DTNA: variants seen among roughly 807,000 people sequenced by gnomAD.
The protein encoded by DTNA is dystrophin-related protein 3.
A neutral mutation model predicts 100.7 loss-of-function variants in DTNA; 43 were observed. That is an observed-to-expected ratio of 0.43 (90% confidence interval 0.33 to 0.55). The LOEUF is 0.55. DTNA is among the 20% of genes least tolerant of loss of function. DTNA has a pLI of 0.04. For missense variants in DTNA, 798 were observed against 953.9 expected (o/e 0.84, Z 2.15); for synonymous variants, 349 against 347.9 (o/e 1.00, Z -0.04).
At chr18:34,546,209 A>T (rs1284526034) in intron 1 of DTNA, among the ~76,000 whole-genome samples, 1 of 152,092 alleles carries the variant, frequency 6.6e-6, no homozygotes. Context: ...CCCTTCCCCC[A>T]GCAATGAGAA....
chr18:34,744,888 T>C (rs1237236400), intron 1 of DTNA, among the ~76,000 whole-genome samples: 1 of 152,122 alleles, frequency 6.6e-6, no homozygotes, highest in Non-Finnish European at 1.5e-5. Flanking sequence ...TGCATTTTGG[T>C]TCTCATTAAG....
intron 1 of DTNA, among the ~76,000 whole-genome samples, chr18:34,555,290 C>G (rs997356444): frequency 6.8e-6 from 1 of 148,122 alleles, no homozygotes; most frequent in Non-Finnish European, 1.5e-5. Context: ...GTCTTGCTAG[C>G]GGTCTATCAG....
chr18:34,597,548 TC>T (rs546296592), intron 1 of DTNA, among the ~76,000 whole-genome samples: 92 of 152,112 alleles, frequency 6.0e-4, no homozygotes, highest in Non-Finnish European at 1.2e-3. Flanking sequence ...AATTAATTGC[TC>T]CCCTACTTAA....
In DTNA at chr18:34,838,166, C is replaced by A; in HGVS notation, c.1248C>A (p.Gly416=). 6.2e-7 allele frequency: 1 copy of A among 1,613,780 alleles called. No individual in the cohort carries two copies. Among genetic ancestry groups the A allele is most frequent in the Non-Finnish European group, 8.5e-7 (1 of 1,179,778 alleles). Residue 416 remains glycine, a synonymous_variant, in exon 12 of 23, where the codon GGC becomes GGA. Coordinates refer to ENST00000444659, the MANE Select transcript of DTNA (RefSeq NM_001386795.1). ...GGGCTGCTCCAGCTTTTCTGAAGGG[C>A]AAAGGGTAAGTTACAGCCAGAGTGT... is the stretch of plus-strand genomic sequence containing the variant. ...LARAAPAFLK[G]KGIQYSLNVA...
At chr18:34,842,351 A>T (rs2096283354) in intron 13 of DTNA, among the ~76,000 whole-genome samples, 1 of 152,184 alleles carries the variant, frequency 6.6e-6, no homozygotes, top group African/African-American at 2.4e-5. Flanking sequence ...TTGCTCCACA[A>T]TATTTTATGC....
chr18:34,722,845 A>G (rs982064110), intron 1 of DTNA, among the ~76,000 whole-genome samples: 1 of 152,212 alleles, frequency 6.6e-6, no homozygotes, highest in African/African-American at 2.4e-5. Context: ...TCTTTCACTC[A>G]GTATAATTGT....
intron 17 of DTNA, chr18:34,868,124 G>A (rs528374088): frequency 1.9e-6 from 1 of 528,630 alleles, no homozygotes; most frequent in Non-Finnish European, 2.4e-6. Context: ...AAGGGACAAG[G>A]ATGTTACTCT....
At chr18:34,588,861 C>T (rs570298922) in intron 1 of DTNA, among the ~76,000 whole-genome samples, 1 of 152,096 alleles carries the variant, frequency 6.6e-6, no homozygotes, top group Non-Finnish European at 1.5e-5. Flanking sequence ...GGTGCACATA[C>T]ACATGCAAGC....
intron 10 of DTNA, chr18:34,829,169 G>T (rs2095938083): frequency 6.2e-7 from 1 of 1,611,288 alleles, no homozygotes; most frequent in African/African-American, 1.3e-5. Flanking sequence ...CCCAAAATAT[G>T]ATTATTTCCC....
chr18:34,662,907 A>G (rs894981971), intron 1 of DTNA: 2 of 152,166 alleles, frequency 1.3e-5, no homozygotes, highest in African/African-American at 4.8e-5. Context: ...GGTTAAAACT[A>G]TTTTAATAAC....
intron 1 of DTNA, among the ~76,000 whole-genome samples, chr18:34,654,284 T>C (rs2074035231): frequency 6.6e-6 from 1 of 152,228 alleles, no homozygotes; most frequent in East Asian, 1.9e-4. Context: ...CCCATTTCAA[T>C]GTAGTTACTT....
intron 1 of DTNA, among the ~76,000 whole-genome samples, chr18:34,753,579 T>G (rs2092556661): frequency 1.4e-5 from 2 of 142,488 alleles, no homozygotes. Context: ...AGACGGGGTT[T>G]CACCGTTTTA....
rs2084014488 is a variant in DTNA at position 34,716,143 on chromosome 18, CA to C, written c.-2+5702del. Among the ~76,000 whole-genome samples, 3 of 152,240 alleles carry C rather than the reference CA, an allele frequency of 2.0e-5. No homozygotes were observed. In the South Asian group the frequency reaches 6.2e-4, roughly 32 times the overall value. On this transcript the variant is annotated intron_variant, in intron 1 of 22. Coordinates refer to ENST00000444659, the MANE Select transcript of DTNA (RefSeq NM_001386795.1). ...TTCTACTACTAGGAATATGTCCTAA[CA>C]AAATAAATAGTCTAACGTATTTACA...
intron 15 of DTNA, among the ~76,000 whole-genome samples, chr18:34,853,350 G>C (rs923644039): frequency 5.3e-5 from 8 of 152,316 alleles, no homozygotes; most frequent in South Asian, 4.1e-4. Flanking sequence ...GGAGGAGGTT[G>C]TGATAATTAT....
chr18:34,755,505 G>A (rs988705609), intron 1 of DTNA: 1 of 176,502 alleles, frequency 5.7e-6, no homozygotes, highest in Non-Finnish European at 1.2e-5. Context: ...ACTGGCAACA[G>A]GATGAGATGG....
intron 9 of DTNA, among the ~76,000 whole-genome samples, chr18:34,823,653 C>T (rs2095783634): frequency 6.6e-6 from 1 of 152,212 alleles, no homozygotes; most frequent in Non-Finnish European, 1.5e-5. Context: ...TGTTTTCTAG[C>T]TATAGCTCTG....
chr18:34,675,535 A>G (rs887820316), intron 1 of DTNA, among the ~76,000 whole-genome samples: 2 of 152,210 alleles, frequency 1.3e-5, no homozygotes, highest in South Asian at 2.1e-4. Context: ...GGTAAGAGAA[A>G]GGAAATTGAA....
chr18:34,584,139 C>T (rs2048898641), intron 1 of DTNA, among the ~76,000 whole-genome samples: 3 of 152,186 alleles, frequency 2.0e-5, no homozygotes, highest in African/African-American at 7.2e-5. Flanking sequence ...GGTCTGACTA[C>T]CCAAGGGGGA....
intron 1 of DTNA, among the ~76,000 whole-genome samples, chr18:34,698,655 G>A (rs972852484): frequency 1.8e-4 from 27 of 152,308 alleles, no homozygotes; most frequent in African/African-American, 6.5e-4. Flanking sequence ...CCCACAATAG[G>A]CTGTCTGCAA....
Sources: gnomAD v4.1 joint callset for allele counts (sites outside exome capture counted in the v4.1 genomes callset) on GRCh38, gnomAD v4.1.1 for gene constraint, MANE v1.5 for transcripts, NCBI Gene and HGNC (gene_info 2026-07-23, HGNC 2026-07-21) for gene names.